Variants in HS2ST1 observed in about 807,000 individuals in gnomAD.
HS2ST1 encodes the protein 2-O-sulfotransferase.
A neutral mutation model predicts 42.9 loss-of-function variants in HS2ST1; 18 were observed. That is an observed-to-expected ratio of 0.42 (90% confidence interval 0.29 to 0.62). The LOEUF is 0.62. Among genes scored for constraint, HS2ST1 ranks in the 20% least tolerant of loss-of-function variants. The pLI is 0.21. For synonymous variants in HS2ST1, 146 were observed against 152.9 expected (o/e 0.95, Z 0.33); for missense variants, 334 against 433.8 (o/e 0.77, Z 2.04).
Position 87,012,809 on chromosome 1 carries a change from G to A in HS2ST1, c.125-60125G>A, listed in dbSNP as rs192750055. On this transcript the variant is annotated intron_variant, in intron 1 of 6. Transcript: ENST00000370550. ...GCAGTATAGGCATTGGGCAAATACA[G>A]CCATTCCAAATGGGAGAAATAGGCC... 5.9e-5 allele frequency among the ~76,000 whole-genome samples: 9 copies of A among 152,330 alleles called. No individual in the cohort carries two copies. The East Asian group carries it at 1.4e-3, about 23-fold the overall frequency.
At chr1:87,046,664 T>A in intron 1 of HS2ST1, 1 of 1,506,102 alleles carries the variant, frequency 6.6e-7, no homozygotes, top group Non-Finnish European at 8.9e-7. Flanking sequence ...TGAACCCCAG[T>A]TAGGCCTGAA....
intron 3 of HS2ST1, among the ~76,000 whole-genome samples, chr1:87,088,153 T>C (rs968006863): frequency 1.1e-4 from 16 of 152,132 alleles, no homozygotes; most frequent in Non-Finnish European, 2.1e-4. Context: ...TCTCCTTGTC[T>C]GAATCTCTGC....
intron 1 of HS2ST1, among the ~76,000 whole-genome samples, chr1:86,943,232 T>C (rs945317600): frequency 1.3e-5 from 2 of 152,132 alleles, no homozygotes; most frequent in Non-Finnish European, 2.9e-5. Context: ...TACAAATAAA[T>C]CATTGGGTAT....
intron 5 of HS2ST1, among the ~76,000 whole-genome samples, chr1:87,100,081 C>T (rs1021598388): frequency 9.2e-5 from 14 of 152,288 alleles, no homozygotes; most frequent in African/African-American, 2.2e-4. Flanking sequence ...GCGTGCAAGC[C>T]GATGGTGAGC....
At chr1:86,938,783 T>C (rs1660706368) in intron 1 of HS2ST1, among the ~76,000 whole-genome samples, 1 of 152,136 alleles carries the variant, frequency 6.6e-6, no homozygotes, top group Admixed American at 6.5e-5. Flanking sequence ...GGTAACTGAT[T>C]AGTATCCAAC....
chr1:86,963,602 C>T (rs956048796), intron 1 of HS2ST1, among the ~76,000 whole-genome samples: 2 of 152,206 alleles, frequency 1.3e-5, no homozygotes, highest in Non-Finnish European at 1.5e-5. Context: ...CTTTTCCCCA[C>T]GTTTCCCCCT....
intron 1 of HS2ST1, among the ~76,000 whole-genome samples, chr1:86,944,515 C>T (rs376009632): frequency 7.2e-5 from 11 of 151,890 alleles, no homozygotes; most frequent in Admixed American, 5.2e-4. Context: ...CCACCATGCC[C>T]GGCTCATTTT....
intron 1 of HS2ST1, among the ~76,000 whole-genome samples, chr1:86,916,772 C>T (rs531740999): frequency 4.6e-5 from 7 of 152,202 alleles, no homozygotes; most frequent in East Asian, 1.9e-4. Context: ...AAAAAAGACT[C>T]CTCTTGAAGT....
chr1:87,103,403 A>G (rs1346485596), intron 5 of HS2ST1, 29 bp from the exon 6 acceptor site: 2 of 1,565,776 alleles, frequency 1.3e-6, no homozygotes, highest in Admixed American at 3.9e-5. Context: ...TTTCACAACC[A>G]GGTTTTAATT....
intron 1 of HS2ST1, among the ~76,000 whole-genome samples, chr1:87,001,376 G>C (rs897697765): frequency 5.3e-5 from 8 of 152,224 alleles, no homozygotes; most frequent in Admixed American, 3.9e-4. Context: ...TGTAGTGGTT[G>C]TTTTCCAAAT....
In HS2ST1 at chr1:87,106,364, G is replaced by A. The variant is rs1652323862; in HGVS notation, c.*1668G>A. ...GGCTTTGTTAGCTGACTAGGGTCAG[G>A]GAAACTTTTCTCTTCAAATTTGAAA... On this transcript the variant is annotated 3_prime_UTR_variant, in exon 7 of 7. Transcript: ENST00000370550. 6.6e-6 allele frequency: 1 copy of A among 152,190 alleles called. No individual in the cohort carries two copies. The highest frequency in any genetic ancestry group is 6.6e-5 in the Admixed American group (1 of 15,254). 9.4% of individuals were successfully genotyped at this position (152,190 alleles called of 1,614,324 possible).
chr1:87,099,206 G>C (rs537747601), intron 5 of HS2ST1, among the ~76,000 whole-genome samples: 21 of 152,278 alleles, frequency 1.4e-4, no homozygotes, highest in African/African-American at 5.1e-4. Flanking sequence ...ATGTGTATTA[G>C]CTGTTCTTGC....
chr1:86,927,607 G>GTA (rs1274146645), intron 1 of HS2ST1, among the ~76,000 whole-genome samples: 1 of 152,060 alleles, frequency 6.6e-6, no homozygotes, highest in Non-Finnish European at 1.5e-5. Flanking sequence ...ATTTGTACAG[G>GTA]TAAGCACTCA....
intron 1 of HS2ST1, among the ~76,000 whole-genome samples, chr1:86,967,460 C>G (rs1648082187): frequency 6.6e-6 from 1 of 152,056 alleles, no homozygotes; most frequent in African/African-American, 2.4e-5. Context: ...CCCTTCTCCC[C>G]CTACTGAGTC....
intron 1 of HS2ST1, among the ~76,000 whole-genome samples, chr1:86,924,594 C>T (rs1167288069): frequency 6.6e-6 from 1 of 152,166 alleles, no homozygotes; most frequent in Non-Finnish European, 1.5e-5. Flanking sequence ...GACTTCTGTG[C>T]ACTCGCAGGC....
chr1:87,002,767 C>T (rs1351546165), intron 1 of HS2ST1, among the ~76,000 whole-genome samples: 1 of 152,064 alleles, frequency 6.6e-6, no homozygotes, highest in Non-Finnish European at 1.5e-5. Context: ...TATAGGTCCC[C>T]TTTTTGGTCA....
chr1:87,083,185 A>T (rs527380628), intron 2 of HS2ST1, among the ~76,000 whole-genome samples: 1 of 152,256 alleles, frequency 6.6e-6, no homozygotes, highest in East Asian at 1.9e-4. Context: ...GATATTATTG[A>T]GTGTAGTGTA....
In HS2ST1 at chr1:87,107,822, G is replaced by A. The variant is rs1652360343; in HGVS notation, c.*3126G>A. The stretch of plus-strand genomic sequence containing the variant: ...TTTACCCAGCTTAATCTGTAAAGTA[G>A]CACTTAAATATATCTGATAGCAACA... On this transcript the variant is annotated 3_prime_UTR_variant, in exon 7 of 7. Transcript: ENST00000370550. The A allele has an allele frequency of 6.6e-6, 1 of 151,950 alleles. No homozygotes were observed. The highest frequency in any genetic ancestry group is 2.1e-4 in the South Asian group (1 of 4,828). 9.4% of individuals were successfully genotyped at this position (151,950 alleles called of 1,614,324 possible). A position where few individuals can be genotyped will look rare whatever the true frequency, so the allele number is the denominator to read the frequency against.
At chr1:86,921,519 G>A (rs1420321669) in intron 1 of HS2ST1, among the ~76,000 whole-genome samples, 1 of 152,124 alleles carries the variant, frequency 6.6e-6, no homozygotes, top group Non-Finnish European at 1.5e-5. Context: ...GGGGCGGGAG[G>A]TGGAGGGTGT....
Sources: gnomAD v4.1 joint callset for allele counts (sites outside exome capture counted in the v4.1 genomes callset) on GRCh38, gnomAD v4.1.1 for gene constraint, MANE v1.5 for transcripts, NCBI Gene and HGNC (gene_info 2026-07-23, HGNC 2026-07-21) for gene names.